PCDHGB6: variants seen among roughly 807,000 people sequenced by gnomAD.
PCDHGB6 encodes protocadherin gamma-B6.
Under a neutral mutation model 59.1 loss-of-function variants are expected in PCDHGB6, and 51 were observed. That is an observed-to-expected ratio of 0.86 (90% CI 0.69 to 1.09). The LOEUF (loss-of-function observed/expected upper bound fraction) is 1.09, where lower values mean the gene tolerates loss of function less well. PCDHGB6 is among the 50% of genes least tolerant of loss of function. PCDHGB6 has a pLI of 0.00. For synonymous variants in PCDHGB6, 466 were observed against 495.1 expected (o/e 0.94, Z 0.78); for missense variants, 1,148 against 1,205.1 (o/e 0.95, Z 0.70).
chr5:141,472,980 C>CAAAAAAAAAAAAAAAAGAAAAAAAAA (rs2099308501), intron 1 of PCDHGB6, among the ~76,000 whole-genome samples: 1 of 86,106 alleles, frequency 1.2e-5, no homozygotes, highest in Non-Finnish European at 2.5e-5. Context: ...GAGTGAAACT[C>CAAAAAAAAAAAAAAAAGAAAAAAAAA]AAAAAAAAAA....
intron 1 of PCDHGB6, chr5:141,415,493 T>C (rs1312874620): frequency 6.2e-7 from 1 of 1,614,108 alleles, no homozygotes; most frequent in Non-Finnish European, 8.5e-7. Context: ...AGTCACCTGA[T>C]CTTCCCCCAG....
intron 2 of PCDHGB6, among the ~76,000 whole-genome samples, chr5:141,497,219 A>G (rs974609491): frequency 6.7e-6 from 1 of 149,602 alleles, no homozygotes; most frequent in South Asian, 2.1e-4. Context: ...TGGGGGGGGG[A>G]AGATCAGAGA....
In PCDHGB6 at chr5:141,409,983, T is replaced by C. The variant is rs1481655663; in HGVS notation, c.1781T>C (p.Val594Ala). The C allele has an allele frequency of 1.2e-6, 2 of 1,613,160 alleles. No individual in the cohort carries two copies. Among genetic ancestry groups the C allele is most frequent in the African/African-American group, 2.7e-5 (2 of 74,914 alleles). Residue 594 changes from valine (V) to alanine (A), a missense_variant, in exon 1 of 4, where the codon GTG (valine) becomes GCG (alanine). Physicochemically the swap from Val to Ala is moderately conservative, Grantham distance 64. This residue lies in a region of PCDHGB6 where 549 missense variants were observed against 527.5 expected (regional missense o/e 1.04). Coordinates refer to ENST00000520790, the MANE Select transcript of PCDHGB6 (RefSeq NM_018926.3). ...TACCTAGTGACTAAGGTGGTAGCGG[T>C]GGACGCCGACTCGGGACACAACGCC... is the stretch of plus-strand genomic sequence containing the variant. The part of the protein sequence containing the change: ...PGYLVTKVVA[V>A]DADSGHNAWL...
intron 1 of PCDHGB6, among the ~76,000 whole-genome samples, chr5:141,463,570 T>A (rs557041487): frequency 2.7e-5 from 4 of 146,586 alleles, no homozygotes; most frequent in Middle Eastern, 3.5e-3. Context: ...TGCCTCAGCC[T>A]CCCGAGTAGC....
rs763433178 is a variant in PCDHGB6, at chr5:141,409,635, A to G, written c.1433A>G (p.Asp478Gly). The change falls in exon 1 of 4, where the codon GAC becomes GGC. Residue 478 changes from aspartate (D) to glycine (G), a missense_variant. Physicochemically the swap from Asp to Gly is moderately conservative, Grantham distance 94. Transcript: ENST00000520790. ...TCCATTGCGCAAGTGAGCGCCTCTG[A>G]CCCGGATTTGGGGCTCAATGGCCAC... ...GASIAQVSAS[D>G]PDLGLNGHIS... 3 of 1,613,784 alleles carry G rather than the reference A, an allele frequency of 1.9e-6. No individual in the cohort carries two copies. The South Asian group carries it at 3.3e-5, about 18-fold the overall frequency.
In PCDHGB6 at chr5:141,408,556, T is replaced by C. The variant is rs1215804867; in HGVS notation, c.354T>C (p.His118=). 3 of 1,613,940 alleles carry C rather than the reference T, an allele frequency of 1.9e-6. No homozygotes were observed. Among genetic ancestry groups the C allele is most frequent in the Non-Finnish European group, 2.5e-6 (3 of 1,179,906 alleles). Reference sequence around the variant, plus strand: ...TGGAAAATCCTTTAAATATTTTTCATGTCATTGTGGTGATTGAGGATGTTA... The same window carrying C: ...TGGAAAATCCTTTAAATATTTTTCACGTCATTGTGGTGATTGAGGATGTTA... ...AVVENPLNIF[H]VIVVIEDVND... Residue 118 remains histidine, a synonymous_variant, in exon 1 of 4, where the codon CAT becomes CAC. Transcript: ENST00000520790.
chr5:141,425,426 A>T (rs1227154364), intron 1 of PCDHGB6, among the ~76,000 whole-genome samples: 1 of 152,236 alleles, frequency 6.6e-6, no homozygotes, highest in African/African-American at 2.4e-5. Flanking sequence ...AGTCCCATTA[A>T]ATAGAGGATA....
chr5:141,479,328 G>A (rs568506786), intron 1 of PCDHGB6: 1 of 152,654 alleles, frequency 6.6e-6, no homozygotes, highest in East Asian at 1.9e-4. Flanking sequence ...CAGACTCAGT[G>A]GTGTGCACCT....
chr5:141,432,681 G>A lies in PCDHGB6; in HGVS notation c.2418+22061G>A, dbSNP rs147073234. 2.4e-3 allele frequency: 3,845 copies of A among 1,613,930 alleles called. 12 individuals carry two copies. Among genetic ancestry groups the A allele is most frequent in the Admixed American group, 6.0e-3 (358 of 60,016 alleles). On this transcript the variant is annotated intron_variant, in intron 1 of 3. Coordinates refer to ENST00000520790, the MANE Select transcript of PCDHGB6 (RefSeq NM_018926.3). This position sits in a 1 kb window ranked among gnomAD's most constrained non-coding sequence, Gnocchi z 6.0. Reference sequence around the variant, plus strand: ...CTGGACAGAGACGCGCTCAAGCAGAGCCTCGTAGTGGCCGTCCAGGACCAC... The same window carrying A: ...CTGGACAGAGACGCGCTCAAGCAGAACCTCGTAGTGGCCGTCCAGGACCAC...
chr5:141,489,151 AAG>A lies in PCDHGB6; in HGVS notation c.2419-5652_2419-5651del. ...TTTTTAAGAGGCTGGAAGGAGACAT[AAG>A]AGACTTCAGCTGCTGCATTCCAAGC... On this transcript the variant is annotated intron_variant, in intron 1 of 3. Coordinates refer to ENST00000520790, the MANE Select transcript of PCDHGB6 (RefSeq NM_018926.3). The surrounding 1 kb of genome is among the most constrained non-coding windows in gnomAD (Gnocchi z 4.5). The A allele has an allele frequency of 1.1e-6, 1 of 932,970 alleles. No homozygotes were observed. The highest frequency in any genetic ancestry group is 1.6e-6 in the Non-Finnish European group (1 of 622,054). 57.8% of individuals were successfully genotyped at this position (932,970 alleles called of 1,614,324 possible).
At chr5:141,421,717 G>T in intron 1 of PCDHGB6, 2 of 1,613,932 alleles carry the variant, frequency 1.2e-6, no homozygotes, top group East Asian at 4.5e-5. Context: ...TCCAGATGTG[G>T]GCGTGAACTC....
At position 141,490,908 on chromosome 5, in the gene PCDHGB6, C is replaced by G; in HGVS notation, c.2419-3899C>G. On this transcript the variant is annotated intron_variant, in intron 1 of 3. Transcript: ENST00000520790. This position sits in a 1 kb window ranked among gnomAD's most constrained non-coding sequence, Gnocchi z 5.4. ...CATCTCTGCATGTGTTTGTCCTAGA[C>G]GAGAATGATAATGCCCCAGCTGTGC... The G allele has an allele frequency of 6.2e-7, 1 of 1,613,710 alleles. No individual in the cohort carries two copies. Among genetic ancestry groups the G allele is most frequent in the Non-Finnish European group, 8.5e-7 (1 of 1,179,754 alleles).
chr5:141,415,098 G>A, intron 1 of PCDHGB6: 5 of 1,613,586 alleles, frequency 3.1e-6, no homozygotes, highest in Non-Finnish European at 4.2e-6. Context: ...ACAGAGACGC[G>A]CTCAAGCAAA....
intron 1 of PCDHGB6, chr5:141,418,830 G>A (rs371820904): frequency 1.2e-6 from 2 of 1,613,976 alleles, no homozygotes; most frequent in Non-Finnish European, 1.7e-6. Flanking sequence ...GCAAAAGACC[G>A]AGGATCTCTC....
intron 3 of PCDHGB6, 119 bp downstream of exon 3, chr5:141,505,600 G>T: frequency 1.3e-6 from 2 of 1,554,224 alleles, no homozygotes; most frequent in Middle Eastern, 3.4e-4. Context: ...AGATCTTTCG[G>T]CAGGTCTGAA....
Position 141,408,164 on chromosome 5 carries a change from A to C in PCDHGB6, c.-39A>C, listed in dbSNP as rs2095051548. The C allele has an allele frequency of 6.6e-7, 1 of 1,520,458 alleles. No individual in the cohort carries two copies. Among genetic ancestry groups the C allele is most frequent in the African/African-American group, 1.4e-5 (1 of 72,146 alleles). The allele number at this position is 1,520,458 out of a possible 1,614,324, so 94.2% of individuals were successfully genotyped here. ...AGCGCGGTAGAGTGCACTTTCTCCA[A>C]CTGGAAAAGCGGGGACCCAGCGAGA... On this transcript the variant is annotated 5_prime_UTR_variant, in exon 1 of 4. Transcript: ENST00000520790.
rs1203945578 is a variant in PCDHGB6 at position 141,512,055 on chromosome 5, T to G, written c.*882T>G. 6.5e-6 allele frequency: 1 copy of G among 152,698 alleles called. No homozygotes were observed. The highest frequency in any genetic ancestry group is 1.5e-5 in the Non-Finnish European group (1 of 68,092). 9.5% of individuals were successfully genotyped at this position (152,698 alleles called of 1,614,324 possible). The stretch of plus-strand genomic sequence containing the variant: ...GAGGCTCTGTATGTCCTCAGGGGAC[T>G]GACAACATCCTCCAGATTCCAGCCA... On this transcript the variant is annotated 3_prime_UTR_variant, in exon 4 of 4. Transcript: ENST00000520790.
chr5:141,491,895 A>C lies in PCDHGB6; in HGVS notation c.2419-2912A>C. 1.4e-6 allele frequency: 2 copies of C among 1,434,306 alleles called. No individual in the cohort carries two copies. The highest frequency in any genetic ancestry group is 1.8e-6 in the Non-Finnish European group (2 of 1,084,904). 88.8% of individuals were successfully genotyped at this position (1,434,306 alleles called of 1,614,324 possible). Reference sequence around the variant, plus strand: ...CCGATTAAGGGATGGGGCTCCGAGCACCGGGGGTGGTGGCGACTGTGGGCG... The same window carrying C: ...CCGATTAAGGGATGGGGCTCCGAGCCCCGGGGGTGGTGGCGACTGTGGGCG... On this transcript the variant is annotated intron_variant, in intron 1 of 3. Transcript: ENST00000520790. The surrounding 1 kb of genome is among the most constrained non-coding windows in gnomAD (Gnocchi z 6.9).
chr5:141,500,520 T>TA (rs2099801149), intron 2 of PCDHGB6, among the ~76,000 whole-genome samples: 2 of 152,312 alleles, frequency 1.3e-5, no homozygotes, highest in Admixed American at 1.3e-4. Flanking sequence ...AGCTTCATTT[T>TA]AAAAAAATCT....
Sources: allele counts gnomAD v4.1 joint callset (sites outside exome capture counted in the v4.1 genomes callset), GRCh38; gene constraint gnomAD v4.1.1; regional missense constraint gnomAD v4.1.1; non-coding constraint Gnocchi (gnomAD v3.1); transcripts MANE v1.5; gene names NCBI Gene and HGNC (gene_info 2026-07-23, HGNC 2026-07-21).